Variants in PCDH11X observed in about 807,000 individuals in gnomAD.
PCDH11X encodes protocadherin-11 X-linked.
PCDH11X carries 18 observed loss-of-function variants against 53.3 expected under a neutral mutation model. The observed-to-expected ratio is 0.34, with a 90% CI of 0.23 to 0.50. PCDH11X has a LOEUF of 0.50. Among genes scored for constraint, PCDH11X ranks in the 20% least tolerant of loss-of-function variants. PCDH11X has a pLI of 0.98. For missense variants in PCDH11X, 570 were observed against 1,032.4 expected, an observed-to-expected ratio of 0.55 and a Z score of 6.14; for synonymous variants, 279 against 393.3, an observed-to-expected ratio of 0.71 and a Z score of 3.44.
chrX:92,563,174 T>C (rs761565953), intron 10 of PCDH11X, among the ~76,000 whole-genome samples: 62 of 100,504 alleles, frequency 6.2e-4, no homozygotes, highest in African/African-American at 2.1e-3. Flanking sequence ...TGCTGGCATA[T>C]GCTCAGCATC....
At chrX:92,260,950 C>G (rs2067702848) in intron 7 of PCDH11X, among the ~76,000 whole-genome samples, 1 of 111,308 alleles carries the variant, frequency 9.0e-6, no homozygotes, top group African/African-American at 3.3e-5. Flanking sequence ...TTAATTTGGG[C>G]AAATATTTTG....
chrX:91,908,362 G>A lies in PCDH11X; in HGVS notation c.3033+29089G>A, dbSNP rs188563548. On this transcript the variant is annotated intron_variant, in intron 6 of 10. Coordinates refer to ENST00000682573, the MANE Select transcript of PCDH11X (RefSeq NM_032968.5). The stretch of plus-strand genomic sequence containing the variant: ...ACAAACAACGCCATAAAAAAAGTGG[G>A]CAAATGAAATGAACAGACACTTCTC... Among the ~76,000 whole-genome samples the A allele has an allele frequency of 6.6e-3, 742 of 111,960 alleles. 6 individuals are homozygous for A. Among genetic ancestry groups the A allele is most frequent in the African/African-American group, 0.02 (613 of 30,763 alleles).
At chrX:92,060,897 A>G (rs2063514494) in intron 6 of PCDH11X, among the ~76,000 whole-genome samples, 1 of 112,011 alleles carries the variant, frequency 8.9e-6, no homozygotes, top group Non-Finnish European at 1.9e-5. Flanking sequence ...TCTTTGAGAA[A>G]TCGCCAAACC....
At chrX:91,945,096 T>C (rs1262802977) in intron 6 of PCDH11X, among the ~76,000 whole-genome samples, 6 of 97,358 alleles carry the variant, frequency 6.2e-5, no homozygotes, top group African/African-American at 7.2e-5. Flanking sequence ...ATAGTGTTGT[T>C]TTCATATACA....
intron 6 of PCDH11X, among the ~76,000 whole-genome samples, chrX:92,119,411 A>G (rs1037277803): frequency 4.5e-5 from 5 of 111,872 alleles, no homozygotes; most frequent in African/African-American, 1.6e-4. Flanking sequence ...CTAGCCATTG[A>G]TTAATTACTT....
At chrX:92,050,273 A>G (rs1280844244) in intron 6 of PCDH11X, among the ~76,000 whole-genome samples, 1 of 103,112 alleles carries the variant, frequency 9.7e-6, no homozygotes, top group Non-Finnish European at 1.9e-5. Context: ...TCATACTTCA[A>G]GAAAAATATT....
At chrX:92,340,865 C>G (rs1011803418) in intron 8 of PCDH11X, among the ~76,000 whole-genome samples, 1 of 111,900 alleles carries the variant, frequency 8.9e-6, no homozygotes, top group African/African-American at 3.2e-5. Context: ...TGCTTGAATT[C>G]CTCTCCCAAA....
At chrX:92,063,692 A>G (rs1054150949) in intron 6 of PCDH11X, among the ~76,000 whole-genome samples, 3 of 111,651 alleles carry the variant, frequency 2.7e-5, no homozygotes, top group Non-Finnish European at 5.6e-5. Flanking sequence ...TGTTTCTTCT[A>G]TCTTTGGAAT....
intron 1 of PCDH11X, among the ~76,000 whole-genome samples, chrX:91,783,673 T>C (rs1353825797): frequency 8.9e-6 from 1 of 111,934 alleles, no homozygotes; most frequent in Non-Finnish European, 1.9e-5. Context: ...GGAGAGTTTA[T>C]ATAAGCCACT....
At chrX:92,206,680 T>A (rs1206248284) in intron 7 of PCDH11X, among the ~76,000 whole-genome samples, 2 of 110,110 alleles carry the variant, frequency 1.8e-5, no homozygotes, top group African/African-American at 3.3e-5. Flanking sequence ...GTGACCACCA[T>A]CGTGCCTGGC....
intron 6 of PCDH11X, among the ~76,000 whole-genome samples, chrX:91,896,525 T>C (rs1170860592): frequency 2.3e-5 from 2 of 88,849 alleles, no homozygotes; most frequent in Non-Finnish European, 4.4e-5. Context: ...CTTTATGAGA[T>C]TTATTGTTTT....
intron 6 of PCDH11X, among the ~76,000 whole-genome samples, chrX:91,911,977 T>C (rs1941385625): frequency 9.0e-6 from 1 of 111,524 alleles, no homozygotes. Context: ...TGTTTTATAG[T>C]TTTTATTATA....
At chrX:92,446,064 C>T (rs906035142) in intron 9 of PCDH11X, among the ~76,000 whole-genome samples, 4 of 109,171 alleles carry the variant, frequency 3.7e-5, no homozygotes, top group Admixed American at 3.0e-4. Flanking sequence ...GTCACCAAAG[C>T]CAGCCCAGAT....
At chrX:91,939,362 G>A (rs1299125988) in intron 6 of PCDH11X, among the ~76,000 whole-genome samples, 1 of 110,937 alleles carries the variant, frequency 9.0e-6, no homozygotes, top group African/African-American at 3.3e-5. Flanking sequence ...ACAATTTCAA[G>A]TAGCTTTATT....
intron 10 of PCDH11X, among the ~76,000 whole-genome samples, chrX:92,519,719 G>A (rs1006945798): frequency 9.8e-6 from 1 of 102,507 alleles, no homozygotes; most frequent in Non-Finnish European, 2.0e-5. Context: ...CATTTCTTCA[G>A]TATGTCATAT....
chrX:92,148,027 CCTTT>C (rs1157685082), intron 6 of PCDH11X, among the ~76,000 whole-genome samples: 1 of 74,212 alleles, frequency 1.3e-5, no homozygotes, highest in Non-Finnish European at 2.4e-5. Context: ...TTCCTTCCTT[CCTTT>C]CCTTCTTTCC....
intron 8 of PCDH11X, among the ~76,000 whole-genome samples, chrX:92,274,850 A>T (rs1044624034): frequency 1.8e-5 from 2 of 109,432 alleles, no homozygotes; most frequent in African/African-American, 6.6e-5. Flanking sequence ...AGGGTGAGGA[A>T]CAGGAAAGAA....
intron 10 of PCDH11X, among the ~76,000 whole-genome samples, chrX:92,576,318 A>T: frequency 1.1e-5 from 1 of 89,062 alleles, no homozygotes; most frequent in Non-Finnish European, 2.2e-5. Flanking sequence ...TGTTTCTTTT[A>T]GACAACAGAT....
At chrX:92,261,883 C>T (rs1169306147) in intron 7 of PCDH11X, among the ~76,000 whole-genome samples, 3 of 111,443 alleles carry the variant, frequency 2.7e-5, no homozygotes, top group Admixed American at 1.9e-4. Flanking sequence ...TATCCTCAGG[C>T]TATGCCTTCA....
Sources: gnomAD v4.1 joint callset for allele counts (sites outside exome capture counted in the v4.1 genomes callset) on GRCh38, gnomAD v4.1.1 for gene constraint, MANE v1.5 for transcripts, NCBI Gene and HGNC (gene_info 2026-07-23, HGNC 2026-07-21) for gene names.